SHISA9: variants seen among roughly 807,000 people sequenced by gnomAD.
SHISA9 encodes protein shisa-9.
In SHISA9, 13 loss-of-function variants were observed where a neutral mutation model predicts 38.0. The ratio of observed to expected loss-of-function variants is 0.34; its 90% confidence interval spans 0.22 to 0.54. The LOEUF (loss-of-function observed/expected upper bound fraction) is 0.54. SHISA9 is among the 20% of genes least tolerant of loss of function. The probability of loss-of-function intolerance (pLI) is 0.91; values close to 1 mark genes in which losing one functional copy is unlikely to be tolerated. For synonymous variants in SHISA9, 275 were observed against 242.0 expected (o/e 1.14, Z -1.27); for missense variants, 538 against 575.8 (o/e 0.93, Z 0.67).
intron 3 of SHISA9, among the ~76,000 whole-genome samples, chr16:13,207,133 A>C (rs1468626348): frequency 2.0e-5 from 3 of 152,210 alleles, no homozygotes; most frequent in African/African-American, 4.8e-5. Context: ...GCATGGTGGC[A>C]GGCACCTGTA....
At chr16:13,547,065 T>C in the SHISA9 span, among the ~76,000 whole-genome samples, 1 of 152,258 alleles carries the variant, frequency 6.6e-6, no homozygotes, top group African/African-American at 2.4e-5. Context: ...ACTTCGGAGA[T>C]ATCATTATGT....
intron 2 of SHISA9, among the ~76,000 whole-genome samples, chr16:13,126,936 G>A (rs1262624670): frequency 1.4e-5 from 2 of 143,364 alleles, no homozygotes; most frequent in African/African-American, 5.7e-5. Context: ...AGGAGAGAGG[G>A]AGAGAGAGCT....
intron 2 of SHISA9, among the ~76,000 whole-genome samples, chr16:12,941,427 AT>A (rs1400620569): frequency 6.6e-6 from 1 of 152,222 alleles, no homozygotes; most frequent in Non-Finnish European, 1.5e-5. Flanking sequence ...TACATGATAT[AT>A]TTTGATACAG....
chr16:13,320,670 A>G, the SHISA9 span, among the ~76,000 whole-genome samples: 1 of 152,240 alleles, frequency 6.6e-6, no homozygotes, highest in East Asian at 1.9e-4. Flanking sequence ...ATGCAGAGCC[A>G]TGTCAAATAT....
chr16:13,046,626 G>C (rs576903096), intron 2 of SHISA9, among the ~76,000 whole-genome samples: 2 of 152,148 alleles, frequency 1.3e-5, no homozygotes, highest in Admixed American at 1.3e-4. Context: ...TCTGCCTAAA[G>C]CCATCCATGG....
chr16:13,135,959 G>A (rs2050344919), intron 2 of SHISA9, among the ~76,000 whole-genome samples: 1 of 152,158 alleles, frequency 6.6e-6, no homozygotes, highest in South Asian at 2.1e-4. Context: ...TCAGTCCCAG[G>A]CCATTTGAAA....
At chr16:13,414,595 T>C in the SHISA9 span, among the ~76,000 whole-genome samples, 2 of 152,200 alleles carry the variant, frequency 1.3e-5, no homozygotes, top group East Asian at 3.9e-4. Flanking sequence ...TCAAAACAAA[T>C]TTTTGTTAAT....
intron 2 of SHISA9, among the ~76,000 whole-genome samples, chr16:12,970,127 A>G (rs934598496): frequency 6.6e-6 from 1 of 150,546 alleles, no homozygotes; most frequent in Non-Finnish European, 1.5e-5. Flanking sequence ...ATATTAAATA[A>G]TAATAGTAAA....
At chr16:13,167,731 C>T (rs1455334426) in intron 2 of SHISA9, among the ~76,000 whole-genome samples, 1 of 152,168 alleles carries the variant, frequency 6.6e-6, no homozygotes, top group Non-Finnish European at 1.5e-5. Flanking sequence ...TTCCCTTCGC[C>T]TTCCGCCATG....
At chr16:13,334,404 G>C in the SHISA9 span, among the ~76,000 whole-genome samples, 1 of 152,138 alleles carries the variant, frequency 6.6e-6, no homozygotes, top group African/African-American at 2.4e-5. Flanking sequence ...GGGTTCTTCT[G>C]TCTCCGAGCT....
chr16:13,199,118 A>C (rs1482939007), intron 2 of SHISA9, among the ~76,000 whole-genome samples: 1 of 152,206 alleles, frequency 6.6e-6, no homozygotes, highest in African/African-American at 2.4e-5. Flanking sequence ...TCTCTGGCAG[A>C]CCTGGACACA....
the SHISA9 span, among the ~76,000 whole-genome samples, chr16:13,398,019 G>T: frequency 6.6e-6 from 1 of 152,314 alleles, no homozygotes; most frequent in South Asian, 2.1e-4. Flanking sequence ...TGACTGCCCT[G>T]GCCAAACTCC....
At chr16:12,988,585 C>T (rs150671849) in intron 2 of SHISA9, among the ~76,000 whole-genome samples, 18 of 152,250 alleles carry the variant, frequency 1.2e-4, no homozygotes, top group South Asian at 6.2e-4. Context: ...AGTGCAGTGG[C>T]GCGATTTCAG....
the SHISA9 span, among the ~76,000 whole-genome samples, chr16:13,355,512 A>T: frequency 1.3e-5 from 2 of 152,140 alleles, no homozygotes; most frequent in Non-Finnish European, 2.9e-5. Context: ...TCAGGGAAGC[A>T]GATAATTTAG....
intron 2 of SHISA9, among the ~76,000 whole-genome samples, chr16:13,047,428 C>A (rs944860066): frequency 1.3e-5 from 2 of 152,130 alleles, no homozygotes; most frequent in African/African-American, 4.8e-5. Flanking sequence ...CAGATTGTGG[C>A]AGATTTGCAG....
At chr16:13,131,020 T>C (rs1188248622) in intron 2 of SHISA9, among the ~76,000 whole-genome samples, 1 of 152,308 alleles carries the variant, frequency 6.6e-6, no homozygotes, top group East Asian at 1.9e-4. Flanking sequence ...TGTGGGAATG[T>C]AAATTAGTTC....
chr16:13,140,177 T>TCCCC, intron 2 of SHISA9, among the ~76,000 whole-genome samples: 11 of 105,688 alleles, frequency 1.0e-4, no homozygotes, highest in African/African-American at 3.8e-4. Context: ...TCCCCTCCCC[T>TCCCC]TCCCTTCCCT....
the SHISA9 span, among the ~76,000 whole-genome samples, chr16:13,435,225 A>AT: frequency 1.1e-3 from 148 of 140,730 alleles, no homozygotes; most frequent in African/African-American, 3.3e-3. Flanking sequence ...CATTCTTAGA[A>AT]TCTTTTTTTT....
At chr16:12,970,928 T>C (rs2072072946) in intron 2 of SHISA9, among the ~76,000 whole-genome samples, 1 of 152,162 alleles carries the variant, frequency 6.6e-6, no homozygotes, top group Non-Finnish European at 1.5e-5. Flanking sequence ...CCTCGAACAG[T>C]GTCTGATACA....
Sources: allele counts gnomAD v4.1 joint callset (sites outside exome capture counted in the v4.1 genomes callset), GRCh38; gene constraint gnomAD v4.1.1; transcripts MANE v1.5; gene names NCBI Gene and HGNC (gene_info 2026-07-23, HGNC 2026-07-21).